The following TNR variants were observed in gnomAD, a reference collection of about 807,000 sequenced individuals.
TNR encodes tenascin R.
In TNR, 45 loss-of-function variants were observed where a neutral mutation model predicts 150.4. The ratio of observed to expected loss-of-function variants is 0.30; its 90% CI spans 0.24 to 0.38. TNR has a LOEUF of 0.38. TNR is among the 10% of genes least tolerant of loss of function. The probability of loss-of-function intolerance (pLI) is 1.00; values close to 1 mark genes in which losing one functional copy is unlikely to be tolerated. For synonymous variants in TNR, 687 were observed against 678.4 expected (o/e 1.01, Z -0.20); for missense variants, 1,544 against 1,759.1 (o/e 0.88, Z 2.19).
chr1:175,396,686 G>T lies in TNR; in HGVS notation c.1098C>A (p.Gly366=). The change falls in exon 5 of 23, where the codon GGC becomes GGA. Residue 366 remains glycine, a synonymous_variant. Coordinates refer to ENST00000367674, the MANE Select transcript of TNR (RefSeq NM_003285.3). ...VISYQPTALG[G]LQLQQRVPGD... Reference sequence around the variant, plus strand: ...CAGGCACCCGCTGCTGGAGCTGGAGGCCCCCCAGGGCCGTCGGCTGGTAAG... The same window carrying T: ...CAGGCACCCGCTGCTGGAGCTGGAGTCCCCCCAGGGCCGTCGGCTGGTAAG... 6.2e-7 allele frequency: 1 copy of T among 1,614,166 alleles called. No homozygotes were observed. The highest frequency in any genetic ancestry group is 8.5e-7 in the Non-Finnish European group (1 of 1,180,034).
chr1:175,672,511 CT>C (rs572295155), intron 1 of TNR, among the ~76,000 whole-genome samples: 59 of 152,292 alleles, frequency 3.9e-4, no homozygotes, highest in African/African-American at 1.4e-3. Context: ...GATAAACTGT[CT>C]TTGTAAATTA....
chr1:175,480,586 A>G (rs997556729), intron 2 of TNR, among the ~76,000 whole-genome samples: 5 of 152,184 alleles, frequency 3.3e-5, no homozygotes, highest in Non-Finnish European at 7.3e-5. Flanking sequence ...CTGACTGCTA[A>G]CATTATGCCC....
intron 1 of TNR, among the ~76,000 whole-genome samples, chr1:175,685,381 C>A (rs555868726): frequency 1.3e-5 from 2 of 152,300 alleles, no homozygotes; most frequent in African/African-American, 4.8e-5. Context: ...TCAAACAATA[C>A]TCATTGCACA....
At chr1:175,640,715 T>C (rs528465548) in intron 1 of TNR, among the ~76,000 whole-genome samples, 63 of 151,946 alleles carry the variant, frequency 4.1e-4, no homozygotes, top group African/African-American at 1.4e-3. Flanking sequence ...GTACCTGGGC[T>C]AAGTATTAGT....
intron 1 of TNR, among the ~76,000 whole-genome samples, chr1:175,640,791 G>GTGTATATATATATATATATATATATATA (rs1158722943): frequency 1.4e-4 from 20 of 143,644 alleles, no homozygotes; most frequent in African/African-American, 5.2e-4. Flanking sequence ...GTGTGTGTGG[G>GTGTATATATATATATATATATATATATA]TATATATATA....
intron 1 of TNR, among the ~76,000 whole-genome samples, chr1:175,741,654 G>C (rs541360976): frequency 6.6e-6 from 1 of 152,208 alleles, no homozygotes; most frequent in South Asian, 2.1e-4. Context: ...TGCCACTCTA[G>C]GGAGATGCTA....
In TNR at chr1:175,674,831, G is replaced by A. The variant is rs547557970; in HGVS notation, c.-165+68395C>T. ...CAGGCCCCCCAGCATCAATCTGCTGGACTTCAGAAAACCTGTCCTGCTGTG... is the reference window on the plus strand; with the variant it reads ...CAGGCCCCCCAGCATCAATCTGCTGAACTTCAGAAAACCTGTCCTGCTGTG... On this transcript the variant is annotated intron_variant, in intron 1 of 22. Coordinates refer to ENST00000367674, the MANE Select transcript of TNR (RefSeq NM_003285.3). 5.4e-4 allele frequency among the ~76,000 whole-genome samples: 82 copies of A among 152,264 alleles called. 2 individuals carry two copies. Among genetic ancestry groups the A allele is most frequent in the Admixed American group, 3.7e-3 (57 of 15,296 alleles).
intron 1 of TNR, among the ~76,000 whole-genome samples, chr1:175,711,460 C>A (rs12049604): frequency 0.091 from 13,798 of 152,138 alleles, 788 homozygotes; most frequent in East Asian, 0.17. Flanking sequence ...TGATAAGAGG[C>A]GTAATAGCAG....
intron 4 of TNR, among the ~76,000 whole-genome samples, chr1:175,399,108 C>T (rs1239800875): frequency 6.6e-6 from 1 of 152,190 alleles, no homozygotes; most frequent in Non-Finnish European, 1.5e-5. Flanking sequence ...AGGAATAATT[C>T]AGACGATCTT....
At chr1:175,491,719 C>T (rs111504028) in intron 2 of TNR, among the ~76,000 whole-genome samples, 159 of 143,814 alleles carry the variant, frequency 1.1e-3, no homozygotes, top group African/African-American at 3.4e-3. Flanking sequence ...GCGTGATCTC[C>T]GCTCACTGCA....
At chr1:175,444,880 A>G (rs549994965) in intron 2 of TNR, among the ~76,000 whole-genome samples, 2 of 152,334 alleles carry the variant, frequency 1.3e-5, no homozygotes, top group South Asian at 2.1e-4. Context: ...TGACTCAGGG[A>G]GAGGGGAAAG....
chr1:175,475,851 C>A (rs1367445230), intron 2 of TNR, among the ~76,000 whole-genome samples: 1 of 152,150 alleles, frequency 6.6e-6, no homozygotes, highest in Admixed American at 6.5e-5. Context: ...AAATAATGAG[C>A]AATTTGAGCA....
At chr1:175,399,516 C>T (rs1311414182) in intron 4 of TNR, among the ~76,000 whole-genome samples, 4 of 152,334 alleles carry the variant, frequency 2.6e-5, no homozygotes, top group Non-Finnish European at 2.9e-5. Flanking sequence ...CGTCATTCCT[C>T]GTGGAAGTGG....
At position 175,705,658 on chromosome 1, in the gene TNR, C is replaced by G. The variant is rs559725261; in HGVS notation, c.-165+37568G>C. Among the ~76,000 whole-genome samples, 3 of 151,980 alleles carry G rather than the reference C, an allele frequency of 2.0e-5. No individual in the cohort carries two copies. The East Asian group carries it at 5.8e-4, about 29-fold the overall frequency. On this transcript the variant is annotated intron_variant, in intron 1 of 22. Transcript: ENST00000367674. Reference sequence around the variant, plus strand: ...TAGTTATACTGGTCTTAGGTAAATGCCATATTATAAAATGTCCATACCAGA... The same window carrying G: ...TAGTTATACTGGTCTTAGGTAAATGGCATATTATAAAATGTCCATACCAGA...
chr1:175,695,181 T>C (rs190733451), intron 1 of TNR, among the ~76,000 whole-genome samples: 21 of 152,288 alleles, frequency 1.4e-4, no homozygotes, highest in African/African-American at 5.1e-4. Context: ...CCTGTTGCTC[T>C]CCTTTTTGGA....
intron 2 of TNR, among the ~76,000 whole-genome samples, chr1:175,467,959 TC>T (rs1657104508): frequency 1.3e-5 from 2 of 152,262 alleles, no homozygotes; most frequent in Admixed American, 1.3e-4. Flanking sequence ...CATAAATATG[TC>T]CTTAGGGAGA....
intron 20 of TNR, among the ~76,000 whole-genome samples, chr1:175,334,848 A>G (rs1650149228): frequency 6.6e-6 from 1 of 152,194 alleles, no homozygotes; most frequent in South Asian, 2.1e-4. Context: ...TATTGCAATA[A>G]TGCTGTCTCA....
intron 1 of TNR, among the ~76,000 whole-genome samples, chr1:175,530,892 C>T (rs532508089): frequency 6.6e-6 from 1 of 152,226 alleles, no homozygotes; most frequent in East Asian, 1.9e-4. Context: ...CACTTATTTA[C>T]TTTTTTAGTC....
chr1:175,507,968 A>G (rs747475078), intron 2 of TNR, among the ~76,000 whole-genome samples: 15 of 152,202 alleles, frequency 9.9e-5, no homozygotes, highest in Non-Finnish European at 1.6e-4. Flanking sequence ...AGGAATAACC[A>G]ACTATGGTCT....
Sources: allele counts gnomAD v4.1 joint callset (sites outside exome capture counted in the v4.1 genomes callset), GRCh38; gene constraint gnomAD v4.1.1; transcripts MANE v1.5; gene names NCBI Gene and HGNC (gene_info 2026-07-23, HGNC 2026-07-21).